The following ARMC9 variants were observed in gnomAD, a reference collection of about 807,000 sequenced individuals.
The protein encoded by ARMC9 is lisH domain-containing protein ARMC9.
In ARMC9, 94 loss-of-function variants were observed where a neutral mutation model predicts 107.0. The ratio of observed to expected loss-of-function variants is 0.88; its 90% CI spans 0.74 to 1.04. The LOEUF (loss-of-function observed/expected upper bound fraction) is 1.04, where lower values mean the gene tolerates loss of function less well. Ranked by LOEUF, ARMC9 falls within the 50% of genes least tolerant of loss-of-function variation. ARMC9 has a pLI of 0.00. For synonymous variants in ARMC9, 380 were observed against 396.9 expected (o/e 0.96, Z 0.51); for missense variants, 942 against 1,030.1 (o/e 0.91, Z 1.17).
chr2:231,291,252 C>T (rs1005751519), intron 17 of ARMC9, 101 bp from the exon 18 acceptor site: 8 of 917,482 alleles, frequency 8.7e-6, no homozygotes, highest in Admixed American at 1.8e-5. Flanking sequence ...TCTTCCTCTC[C>T]CCAAAACATT....
At chr2:231,290,598 A>G (rs2040920896) in intron 17 of ARMC9, among the ~76,000 whole-genome samples, 1 of 152,236 alleles carries the variant, frequency 6.6e-6, no homozygotes, top group Non-Finnish European at 1.5e-5. Context: ...GCCAGGGAAG[A>G]GGAGGGAAAG....
At chr2:231,256,363 G>T (rs2037810213) in intron 9 of ARMC9, 2 of 1,410,050 alleles carry the variant, frequency 1.4e-6, no homozygotes, top group Admixed American at 3.9e-5. Flanking sequence ...CGATGGGAAT[G>T]GTCTGTCACA....
In ARMC9 at chr2:231,372,649, C is replaced by T. The variant is rs1182502696; in HGVS notation, c.*1114C>T. The T allele has an allele frequency of 6.6e-6, 1 of 152,266 alleles. No individual in the cohort carries two copies. The highest frequency in any genetic ancestry group is 6.6e-5 in the Admixed American group (1 of 15,176). 9.4% of individuals were successfully genotyped at this position (152,266 alleles called of 1,614,324 possible). On this transcript the variant is annotated 3_prime_UTR_variant, in exon 25 of 25. Transcript: ENST00000611582. ...TCAGGACCAGCAAGTCACAGGTGTC[C>T]TGGATGTTACCCAAGCTCTAAAATC...
At chr2:231,239,780 A>G (rs2036111893) in intron 8 of ARMC9, among the ~76,000 whole-genome samples, 163 bp from the exon 9 acceptor site, 1 of 152,190 alleles carries the variant, frequency 6.6e-6, no homozygotes, top group African/African-American at 2.4e-5. Flanking sequence ...TCCTCCCAAG[A>G]GCTCTGATGT....
At chr2:231,346,788 G>A (rs1211163373) in intron 21 of ARMC9, among the ~76,000 whole-genome samples, 1 of 152,088 alleles carries the variant, frequency 6.6e-6, no homozygotes, top group Non-Finnish European at 1.5e-5. Flanking sequence ...GTGGTTTTGG[G>A]TCATTTGGTT....
intron 9 of ARMC9, among the ~76,000 whole-genome samples, chr2:231,243,006 G>C (rs2036436865): frequency 6.6e-6 from 1 of 152,110 alleles, no homozygotes; most frequent in Non-Finnish European, 1.5e-5. Context: ...CAGCACTTTG[G>C]GAGGCCGAGG....
At chr2:231,353,667 C>T (rs2045201500) in intron 21 of ARMC9, among the ~76,000 whole-genome samples, 1 of 151,742 alleles carries the variant, frequency 6.6e-6, no homozygotes, top group South Asian at 2.1e-4. Context: ...CACCACTGGC[C>T]TTCACGGCTC....
At chr2:231,228,613 C>T (rs1003300766) in intron 7 of ARMC9, among the ~76,000 whole-genome samples, 1 of 152,222 alleles carries the variant, frequency 6.6e-6, no homozygotes, top group African/African-American at 2.4e-5. Flanking sequence ...CATTCTGTTT[C>T]TTGCAAGTGA....
intron 2 of ARMC9, among the ~76,000 whole-genome samples, chr2:231,207,579 G>C (rs942033622): frequency 1.3e-5 from 2 of 151,632 alleles, no homozygotes; most frequent in African/African-American, 4.8e-5. Context: ...GGGCTCAAGC[G>C]ATTCTCCTGC....
intron 24 of ARMC9, 105 bp from the exon 25 acceptor site, chr2:231,371,408 G>A (rs973499403): frequency 2.4e-6 from 3 of 1,270,902 alleles, no homozygotes; most frequent in Non-Finnish European, 3.1e-6. Flanking sequence ...GAGAGGGAAG[G>A]TTCCCTCGCT....
chr2:231,247,873 G>C (rs539314457), intron 9 of ARMC9, among the ~76,000 whole-genome samples: 2 of 152,366 alleles, frequency 1.3e-5, no homozygotes, highest in East Asian at 3.9e-4. Context: ...AGAGGTTGCA[G>C]TGAACTGAGA....
rs1306329548 is a variant in ARMC9, at chr2:231,375,306, TAGAGAAATCA to T, written c.*3774_*3783del. 6.6e-6 allele frequency among the ~76,000 whole-genome samples: 1 copy of T among 152,128 alleles called. No individual in the cohort carries two copies. The highest frequency in any genetic ancestry group is 2.4e-5 in the African/African-American group (1 of 41,436). The stretch of plus-strand genomic sequence containing the variant: ...GTGGCCTCGGGGCTCCCATGGCAGT[TAGAGAAATCA>T]AGCCCAAGTCTCATATCACGTTCAC... On this transcript the variant is annotated 3_prime_UTR_variant, in exon 25 of 25. Transcript: ENST00000611582. The surrounding 1 kb of genome is among the most constrained non-coding windows in gnomAD (Gnocchi z 4.3).
chr2:231,265,096 C>CA (rs202052844), intron 12 of ARMC9, among the ~76,000 whole-genome samples: 10,968 of 140,182 alleles, frequency 0.078, 595 homozygotes, highest in African/African-American at 0.17. Flanking sequence ...GACTGCGTCT[C>CA]AAAAAAAAAA....
At chr2:231,274,994 A>G (rs545638988) in intron 14 of ARMC9, among the ~76,000 whole-genome samples, 9 of 143,960 alleles carry the variant, frequency 6.3e-5, no homozygotes, top group Admixed American at 4.1e-4. Context: ...TAGAAATTCA[A>G]TAACTATAGT....
rs982532652 is a variant in ARMC9 at position 231,310,287 on chromosome 2, G to T, written c.1773+14034G>T. Among the ~76,000 whole-genome samples the T allele has an allele frequency of 3.3e-5, 5 of 150,556 alleles. 1 individual carries two copies. The highest frequency in any genetic ancestry group is 7.0e-3 in the Middle Eastern group (2 of 284). On this transcript the variant is annotated intron_variant, in intron 19 of 24. Transcript: ENST00000611582. ...AAATTAGGCAGGCATGGTGGCACAT[G>T]CCTGTAATCCCAGCTACCCAGGAGG... is the stretch of plus-strand genomic sequence containing the variant.
rs1203596432 is a variant in ARMC9 at position 231,235,367 on chromosome 2, G to A, written c.766G>A (p.Val256Ile). The part of the protein sequence containing the change: ...AELVDSLEAT[V>I]SGKMITPEYL... Reference sequence around the variant, plus strand: ...GCTGGTGGATTCTCTAGAGGCCACAGTCAGCGGCAAGATGGTAAGGAAGAT... The same window carrying A: ...GCTGGTGGATTCTCTAGAGGCCACAATCAGCGGCAAGATGGTAAGGAAGAT... The change falls in exon 8 of 25, where the codon GTC becomes ATC. Residue 256 changes from valine to isoleucine, a missense_variant. Transcript: ENST00000611582. 2 of 1,614,100 alleles carry A rather than the reference G, an allele frequency of 1.2e-6. No homozygotes were observed. Among genetic ancestry groups the A allele is most frequent in the Non-Finnish European group, 1.7e-6 (2 of 1,180,012 alleles).
intron 17 of ARMC9, among the ~76,000 whole-genome samples, chr2:231,283,721 T>C (rs2040385510): frequency 6.6e-6 from 1 of 152,094 alleles, no homozygotes; most frequent in South Asian, 2.1e-4. Context: ...TGAGCCACCA[T>C]GCCCAGCCAA....
chr2:231,233,338 T>C (rs989494172), intron 7 of ARMC9, among the ~76,000 whole-genome samples: 1 of 152,220 alleles, frequency 6.6e-6, no homozygotes, highest in Non-Finnish European at 1.5e-5. Flanking sequence ...GTTGACTATA[T>C]AGACATTCAG....
rs766074419 is a variant in ARMC9, at chr2:231,206,306, A to G, written c.51+17A>G. 2 of 1,606,162 alleles carry G rather than the reference A, an allele frequency of 1.2e-6. No individual in the cohort carries two copies. Among genetic ancestry groups the G allele is most frequent in the Non-Finnish European group, 1.7e-6 (2 of 1,174,196 alleles). ...GTGAAAGAGGTAGGTATATTATACAAAGCAGAGGTCACAGAGAAACAGATC... is the reference window on the plus strand; with the variant it reads ...GTGAAAGAGGTAGGTATATTATACAGAGCAGAGGTCACAGAGAAACAGATC... On this transcript the variant is annotated intron_variant, in intron 2 of 24. Coordinates refer to ENST00000611582, the MANE Select transcript of ARMC9 (RefSeq NM_001352754.2).
Sources: allele counts gnomAD v4.1 joint callset (sites outside exome capture counted in the v4.1 genomes callset), GRCh38; gene constraint gnomAD v4.1.1; non-coding constraint Gnocchi (gnomAD v3.1); transcripts MANE v1.5; gene names NCBI Gene and HGNC (gene_info 2026-07-23, HGNC 2026-07-21).